SLC14A2: variants seen among roughly 807,000 people sequenced by gnomAD.
SLC14A2 encodes solute carrier family 14 member 2, also known as urea transporter 2.
Under a neutral mutation model 104.6 loss-of-function variants are expected in SLC14A2, and 91 were observed. The ratio of observed to expected loss-of-function variants is 0.87; its 90% CI spans 0.73 to 1.04. SLC14A2 has a LOEUF of 1.04. Ranked by LOEUF, SLC14A2 falls within the 50% of genes least tolerant of loss-of-function variation. The probability of loss-of-function intolerance (pLI) is 0.00; values close to 1 mark genes in which losing one functional copy is unlikely to be tolerated. For synonymous variants in SLC14A2, 476 were observed against 466.4 expected, an observed-to-expected ratio of 1.02 and a Z score of -0.27; for missense variants, 1,189 against 1,156.0, an observed-to-expected ratio of 1.03 and a Z score of -0.41.
At chr18:45,484,503 T>C (rs963074954) in intron 2 of SLC14A2, among the ~76,000 whole-genome samples, 3 of 152,224 alleles carry the variant, frequency 2.0e-5, no homozygotes, top group African/African-American at 4.8e-5. Context: ...AGTTAACTTA[T>C]CAATGACTCT....
chr18:45,374,284 T>C (rs2085751799), intron 1 of SLC14A2, among the ~76,000 whole-genome samples: 1 of 152,206 alleles, frequency 6.6e-6, no homozygotes, highest in Non-Finnish European at 1.5e-5. Flanking sequence ...AAAGAACAAA[T>C]AATTCATAAT....
At chr18:45,447,057 G>A (rs16978375) in intron 1 of SLC14A2, among the ~76,000 whole-genome samples, 34,664 of 151,900 alleles carry the variant, frequency 0.23, 6,893 homozygotes, top group African/African-American at 0.52. Flanking sequence ...AGTTTGGGAT[G>A]TTGGGAGGCT....
chr18:45,418,939 C>T (rs1338672543), intron 1 of SLC14A2, among the ~76,000 whole-genome samples: 1 of 152,094 alleles, frequency 6.6e-6, no homozygotes, highest in African/African-American at 2.4e-5. Flanking sequence ...AGATCCATGG[C>T]TTAGCAATCA....
At chr18:45,303,994 A>C (rs12455102) in intron 1 of SLC14A2, among the ~76,000 whole-genome samples, 24,477 of 152,132 alleles carry the variant, frequency 0.16, 2,041 homozygotes, top group South Asian at 0.19. Context: ...ATTATTCGAC[A>C]ACCCAACTGA....
chr18:45,212,938 T>G (rs9973048), upstream of SLC14A2: 16,146 of 152,456 alleles, frequency 0.11, 886 homozygotes, highest in Non-Finnish European at 0.12. Context: ...GATCCAACTT[T>G]CTGCTCCATA....
chr18:45,444,410 A>G (rs1349314368), intron 1 of SLC14A2, among the ~76,000 whole-genome samples: 1 of 152,242 alleles, frequency 6.6e-6, no homozygotes, highest in Admixed American at 6.5e-5. Context: ...AAAGTCAGTA[A>G]GAAAGAAATT....
Position 45,258,112 on chromosome 18 carries a change from G to C in SLC14A2, c.-125+44921G>C, listed in dbSNP as rs556558931. On this transcript the variant is annotated intron_variant, in intron 1 of 20. Coordinates refer to the SLC14A2 transcript ENST00000586448. ...ACCACCATCCTATGAGCGAGCTACA[G>C]TTATAACCCCCAAGGCATAAAAGGC... is the stretch of plus-strand genomic sequence containing the variant. 5.4e-4 allele frequency among the ~76,000 whole-genome samples: 82 copies of C among 152,278 alleles called. No individual in the cohort carries two copies. The Middle Eastern group carries it at 0.017, about 32-fold the overall frequency.
At chr18:45,425,765 T>C (rs2086415521) in intron 1 of SLC14A2, among the ~76,000 whole-genome samples, 1 of 152,220 alleles carries the variant, frequency 6.6e-6, no homozygotes, top group South Asian at 2.1e-4. Context: ...CTTTCTAGTT[T>C]ACACATATTC....
intron 1 of SLC14A2, among the ~76,000 whole-genome samples, chr18:45,391,897 G>T (rs1371077390): frequency 1.3e-5 from 2 of 152,194 alleles, no homozygotes; most frequent in African/African-American, 4.8e-5. Flanking sequence ...TCTGATGGTG[G>T]TTTCTTTTGC....
At chr18:45,565,117 T>G (rs1335622173) in intron 2 of SLC14A2, among the ~76,000 whole-genome samples, 1 of 151,468 alleles carries the variant, frequency 6.6e-6, no homozygotes, top group African/African-American at 2.4e-5. Context: ...TGAGCGTGCA[T>G]GCATGTGCTT....
At chr18:45,362,406 C>T (rs2085621582) in intron 1 of SLC14A2, among the ~76,000 whole-genome samples, 1 of 152,224 alleles carries the variant, frequency 6.6e-6, no homozygotes, top group African/African-American at 2.4e-5. Context: ...ACCCCACTTC[C>T]AAACTTTTCC....
chr18:45,632,629 T>C (rs1401713542), intron 5 of SLC14A2, 151 bp downstream of exon 5: 19 of 775,886 alleles, frequency 2.4e-5, no homozygotes, highest in Non-Finnish European at 8.5e-6. Flanking sequence ...CCATGAGTTC[T>C]CTTGTAACAC....
At chr18:45,402,819 T>C (rs941141534) in intron 1 of SLC14A2, among the ~76,000 whole-genome samples, 8 of 152,342 alleles carry the variant, frequency 5.3e-5, no homozygotes, top group Middle Eastern at 3.4e-3. Context: ...GTAGCAAGAC[T>C]TAATCATCTT....
At chr18:45,574,105 G>T (rs1156792385) in intron 2 of SLC14A2, among the ~76,000 whole-genome samples, 1 of 152,208 alleles carries the variant, frequency 6.6e-6, no homozygotes, top group African/African-American at 2.4e-5. Context: ...ATGGGATGGA[G>T]AGAAGAGCGA....
At chr18:45,194,994 C>A in the SLC14A2 span, among the ~76,000 whole-genome samples, 1 of 152,234 alleles carries the variant, frequency 6.6e-6, no homozygotes, top group African/African-American at 2.4e-5. Context: ...CCTTACCTGG[C>A]TTCAGGCGTG....
At chr18:45,170,276 A>G in the SLC14A2 span, among the ~76,000 whole-genome samples, 2 of 152,100 alleles carry the variant, frequency 1.3e-5, no homozygotes, top group Non-Finnish European at 2.9e-5. Flanking sequence ...GGATTTGGAG[A>G]GGCAGAGGTG....
intron 2 of SLC14A2, among the ~76,000 whole-genome samples, chr18:45,494,274 C>A (rs1029445815): frequency 6.6e-6 from 1 of 152,194 alleles, no homozygotes; most frequent in Non-Finnish European, 1.5e-5. Context: ...ATTCATGGTC[C>A]CTTCCTCAAC....
chr18:45,666,237 T>G lies in SLC14A2; in HGVS notation c.1557+18T>G. The G allele has an allele frequency of 6.5e-7, 1 of 1,548,626 alleles. No individual in the cohort carries two copies. Among genetic ancestry groups the G allele is most frequent in the Non-Finnish European group, 8.9e-7 (1 of 1,119,952 alleles). ...AGCTGCTTGTGAGTACTGAGTGTCCTGAATCAGGGACAGCGCCCTACAGTC... is the reference window on the plus strand; with the variant it reads ...AGCTGCTTGTGAGTACTGAGTGTCCGGAATCAGGGACAGCGCCCTACAGTC... On this transcript the variant is annotated intron_variant, in intron 12 of 19. Transcript: ENST00000255226.
upstream of SLC14A2, among the ~76,000 whole-genome samples, chr18:45,613,983 A>G (rs1428583206): frequency 6.6e-6 from 1 of 152,256 alleles, no homozygotes; most frequent in Non-Finnish European, 1.5e-5. Flanking sequence ...AATGGGGAAG[A>G]TTACTCCAGG....
Sources: allele counts gnomAD v4.1 joint callset (sites outside exome capture counted in the v4.1 genomes callset), GRCh38; gene constraint gnomAD v4.1.1; transcripts MANE v1.5; gene names NCBI Gene and HGNC (gene_info 2026-07-23, HGNC 2026-07-21).